CLTC: variants seen among roughly 807,000 people sequenced by gnomAD.
The protein encoded by CLTC is clathrin heavy chain.
Under a neutral mutation model 195.8 loss-of-function variants are expected in CLTC, and 16 were observed. The observed-to-expected ratio is 0.08, with a 90% CI of 0.06 to 0.12. The LOEUF (loss-of-function observed/expected upper bound fraction) is 0.12, where lower values mean the gene tolerates loss of function less well. Among genes scored for constraint, CLTC ranks in the 10% least tolerant of loss-of-function variants. The pLI, the probability that CLTC is intolerant of heterozygous loss-of-function variation, is 1.00. For missense variants in CLTC, 796 were observed against 2,027.0 expected (o/e 0.39, Z 11.66); for synonymous variants, 667 against 689.4 (o/e 0.97, Z 0.51).
chr17:59,625,052 CTAA>C (rs1217385323), intron 1 of CLTC, among the ~76,000 whole-genome samples: 4 of 151,808 alleles, frequency 2.6e-5, no homozygotes, highest in Admixed American at 2.0e-4. Flanking sequence ...ATAAAATTTA[CTAA>C]TGAGATACCT....
In CLTC at chr17:59,681,977, G is replaced by A. The variant is rs1269406807; in HGVS notation, c.3442+138G>A. 4 of 804,106 alleles carry A rather than the reference G, an allele frequency of 5.0e-6. No individual in the cohort carries two copies. Among genetic ancestry groups the A allele is most frequent in the East Asian group, 5.4e-5 (2 of 37,092 alleles). The allele number at this position is 804,106 out of a possible 1,614,324, so 49.8% of individuals were successfully genotyped here. On this transcript the variant is annotated intron_variant, in intron 21 of 31. Transcript: ENST00000269122. The surrounding 1 kb of genome is among the most constrained non-coding windows in gnomAD (Gnocchi z 5.0). ...TGCTCCATCTTAGTCCAGATAAAAA[G>A]AGGCTGTATTTTGTGAATTTGTAAG... is the stretch of plus-strand genomic sequence containing the variant.
intron 1 of CLTC, among the ~76,000 whole-genome samples, chr17:59,633,042 ATTTTAAT>A (rs2143461768): frequency 3.2e-5 from 1 of 31,080 alleles, no homozygotes; most frequent in Admixed American, 4.7e-4. Flanking sequence ...CATTTTAATC[ATTTTAAT>A]GTCATTTTAA....
chr17:59,678,502 A>G (rs900326543), intron 17 of CLTC, among the ~76,000 whole-genome samples: 60 of 152,356 alleles, frequency 3.9e-4, no homozygotes, highest in Admixed American at 2.0e-3. Context: ...TCGATGGGCT[A>G]CAATTCACTA....
chr17:59,667,811 G>A (rs1598228803), intron 13 of CLTC, among the ~76,000 whole-genome samples: 1 of 152,240 alleles, frequency 6.6e-6, no homozygotes, highest in South Asian at 2.1e-4. Context: ...TGCTATACAG[G>A]GTACTAACGT....
intron 1 of CLTC, among the ~76,000 whole-genome samples, chr17:59,639,984 T>G (rs1047451751): frequency 1.3e-5 from 2 of 152,060 alleles, no homozygotes; most frequent in South Asian, 2.1e-4. Context: ...ACAATTCAGT[T>G]TCTGTGGTAT....
At chr17:59,645,068 G>A (rs1037181800) in intron 2 of CLTC, among the ~76,000 whole-genome samples, 4 of 152,112 alleles carry the variant, frequency 2.6e-5, no homozygotes, top group African/African-American at 7.2e-5. Flanking sequence ...TTTGTATCTG[G>A]TATAAAACTG....
chr17:59,635,755 A>G (rs1468113207), intron 1 of CLTC, among the ~76,000 whole-genome samples: 3 of 152,188 alleles, frequency 2.0e-5, no homozygotes, highest in Admixed American at 6.5e-5. Context: ...TCACTAATAT[A>G]TTCTGTTAAG....
chr17:59,628,332 A>C (rs1438549141), intron 1 of CLTC, among the ~76,000 whole-genome samples: 1 of 152,192 alleles, frequency 6.6e-6, no homozygotes, highest in Non-Finnish European at 1.5e-5. Flanking sequence ...ATTTCCTGGC[A>C]ATTTTAAAGT....
chr17:59,694,095 T>C lies in CLTC; in HGVS notation c.*243T>C. On this transcript the variant is annotated 3_prime_UTR_variant, in exon 32 of 32. Transcript: ENST00000269122. Reference sequence around the variant, plus strand: ...TTCAATGTTTTATTCACTTGGGCTTTTTTTCTTCCCCCTCTTTCTTTAAAG... The same window carrying C: ...TTCAATGTTTTATTCACTTGGGCTTCTTTTCTTCCCCCTCTTTCTTTAAAG... The C allele has an allele frequency of 3.1e-6, 1 of 323,692 alleles. No homozygotes were observed. The highest frequency in any genetic ancestry group is 6.8e-5 in the South Asian group (1 of 14,738). The allele number at this position is 323,692 out of a possible 1,614,324, so 20.1% of individuals were successfully genotyped here. A position where few individuals can be genotyped will look rare whatever the true frequency, so the allele number is the denominator to read the frequency against.
At chr17:59,692,650 T>C (rs80031481) in intron 31 of CLTC, among the ~76,000 whole-genome samples, 13 of 152,248 alleles carry the variant, frequency 8.5e-5, no homozygotes, top group African/African-American at 1.4e-4. Context: ...TCTTTTTTTT[T>C]CCCCCAAGAT....
At chr17:59,631,196 T>A (rs1353566765) in intron 1 of CLTC, among the ~76,000 whole-genome samples, 2 of 152,218 alleles carry the variant, frequency 1.3e-5, no homozygotes, top group African/African-American at 2.4e-5. Context: ...GTATCCTGTT[T>A]CAGATTGTTT....
At position 59,683,866 on chromosome 17, in the gene CLTC, AT is replaced by A; in HGVS notation, c.4324-5del. On this transcript the variant is annotated splice_region_variant and splice_polypyrimidine_tract_variant and intron_variant, in intron 27 of 31. Coordinates refer to ENST00000269122, the MANE Select transcript of CLTC (RefSeq NM_004859.4). This position sits in a 1 kb window ranked among gnomAD's most constrained non-coding sequence, Gnocchi z 6.1. ...GTGCTATATTTGTAACAAACTCTTT[AT>A]TTTAAAGGTTAAACAGCTACCACTG... 1.2e-6 allele frequency: 2 copies of A among 1,612,834 alleles called. No homozygotes were observed. Among genetic ancestry groups the A allele is most frequent in the Non-Finnish European group, 8.5e-7 (1 of 1,178,982 alleles).
At chr17:59,621,842 C>T (rs1448697936) in intron 1 of CLTC, among the ~76,000 whole-genome samples, 1 of 152,074 alleles carries the variant, frequency 6.6e-6, no homozygotes, top group African/African-American at 2.4e-5. Flanking sequence ...TTGAGGGGTG[C>T]TGTTCTTAAG....
At chr17:59,654,227 G>A (rs2032404896) in intron 5 of CLTC, among the ~76,000 whole-genome samples, 1 of 152,004 alleles carries the variant, frequency 6.6e-6, no homozygotes, top group Non-Finnish European at 1.5e-5. Context: ...CCAGGCTGGA[G>A]TGCAGTGGCG....
chr17:59,641,241 C>T (rs1235657366), intron 1 of CLTC, among the ~76,000 whole-genome samples: 4 of 151,976 alleles, frequency 2.6e-5, no homozygotes, highest in South Asian at 2.1e-4. Flanking sequence ...TAACTGCATT[C>T]GTAGTAGAAT....
chr17:59,643,508 G>A lies in CLTC; in HGVS notation c.43-768G>A, dbSNP rs1050507476. 6.6e-5 allele frequency among the ~76,000 whole-genome samples: 10 copies of A among 152,090 alleles called. No homozygotes were observed. In the East Asian group the frequency reaches 9.7e-4, roughly 15 times the overall value. On this transcript the variant is annotated intron_variant, in intron 1 of 31. Transcript: ENST00000269122. ...TTAAAATCCTTAAGTAGCTCCCTTCGCCTGTAGAATAAACTCAGGATTCTT... is the reference window on the plus strand; with the variant it reads ...TTAAAATCCTTAAGTAGCTCCCTTCACCTGTAGAATAAACTCAGGATTCTT...
At chr17:59,626,472 G>A (rs1371459939) in intron 1 of CLTC, among the ~76,000 whole-genome samples, 1 of 152,026 alleles carries the variant, frequency 6.6e-6, no homozygotes, top group East Asian at 1.9e-4. Context: ...GAATCATATC[G>A]GATAAAATAC....
At chr17:59,637,074 A>C (rs1328930238) in intron 1 of CLTC, among the ~76,000 whole-genome samples, 1 of 150,064 alleles carries the variant, frequency 6.7e-6, no homozygotes, top group Non-Finnish European at 1.5e-5. Context: ...GAGCCACCGT[A>C]CCTGGCCAGG....
Position 59,690,665 on chromosome 17 carries a change from G to A in CLTC, c.4857G>A (p.Leu1619=), listed in dbSNP as rs2033275412. The stretch of plus-strand genomic sequence containing the variant: ...ATAAATTAGATGCTTCAGAATCACT[G>A]AGAAAAGAAGAAGAACAAGCTACAG... ...KVDKLDASES[L]RKEEEQATET... The change falls in exon 31 of 32, where the codon CTG becomes CTA. Residue 1619 remains leucine (L), a synonymous_variant. Coordinates refer to ENST00000269122, the MANE Select transcript of CLTC (RefSeq NM_004859.4). 21 of 1,612,998 alleles carry A rather than the reference G, an allele frequency of 1.3e-5. No individual in the cohort carries two copies. The highest frequency in any genetic ancestry group is 1.8e-5 in the Non-Finnish European group (21 of 1,179,528).
Sources: gnomAD v4.1 joint callset for allele counts (sites outside exome capture counted in the v4.1 genomes callset) on GRCh38, gnomAD v4.1.1 for gene constraint, Gnocchi (gnomAD v3.1) non-coding constraint, MANE v1.5 for transcripts, NCBI Gene and HGNC (gene_info 2026-07-23, HGNC 2026-07-21) for gene names.